GNG7: variants seen among roughly 807,000 people sequenced by gnomAD.
GNG7 encodes the protein guanine nucleotide-binding protein G(I)/G(S)/G(O) subunit gamma-7.
In GNG7, 1 loss-of-function variant was observed where a neutral mutation model predicts 4.0. That is an observed-to-expected ratio of 0.25 (90% CI 0.09 to 1.18). The LOEUF (loss-of-function observed/expected upper bound fraction) is 1.18. GNG7 is among the 50% of genes most tolerant of loss of function. The pLI, the probability that GNG7 is intolerant of heterozygous loss-of-function variation, is 0.50. For synonymous variants in GNG7, 34 were observed against 36.9 expected, an observed-to-expected ratio of 0.92 and a Z score of 0.29; for missense variants, 86 against 91.9, an observed-to-expected ratio of 0.94 and a Z score of 0.26.
chr19:2,661,538 G>A (rs200139825), intron 1 of GNG7, among the ~76,000 whole-genome samples: 1 of 151,602 alleles, frequency 6.6e-6, no homozygotes, highest in African/African-American at 2.4e-5. Context: ...GCTAATTACT[G>A]TAATTATGCC....
intron 1 of GNG7, among the ~76,000 whole-genome samples, chr19:2,678,658 G>A (rs1166453168): frequency 4.6e-5 from 7 of 152,030 alleles, no homozygotes; most frequent in East Asian, 1.9e-4. Context: ...GTCCAGTCTC[G>A]GAGGGTCCTG....
intron 2 of GNG7, among the ~76,000 whole-genome samples, chr19:2,563,197 C>G (rs992113092): frequency 6.6e-6 from 1 of 152,194 alleles, no homozygotes; most frequent in Non-Finnish European, 1.5e-5. Flanking sequence ...ATCCACCTGC[C>G]TCAGCCTCCC....
At chr19:2,649,607 C>G (rs1048978899) in intron 1 of GNG7, among the ~76,000 whole-genome samples, 8 of 151,998 alleles carry the variant, frequency 5.3e-5, no homozygotes, top group Non-Finnish European at 1.2e-4. Context: ...TCAGGCTGGT[C>G]TTGAGCCCCT....
At chr19:2,520,847 G>GCCTA in intron 3 of GNG7, 122 bp from the exon 4 acceptor site, 1 of 586,622 alleles carries the variant, frequency 1.7e-6, no homozygotes, top group Non-Finnish European at 3.1e-6. Context: ...CTCTGGGTGG[G>GCCTA]GACCAGGGGC....
At chr19:2,641,213 G>A (rs1165386926) in intron 2 of GNG7, among the ~76,000 whole-genome samples, 1 of 152,180 alleles carries the variant, frequency 6.6e-6, no homozygotes, top group African/African-American at 2.4e-5. Context: ...AGGCAGGTGA[G>A]TGACCAGGCA....
intron 2 of GNG7, among the ~76,000 whole-genome samples, chr19:2,625,684 A>G (rs1363337139): frequency 6.6e-6 from 1 of 152,244 alleles, no homozygotes; most frequent in African/African-American, 2.4e-5. Context: ...AAGCTGGGTC[A>G]GAGAGGAGAT....
chr19:2,567,195 GC>G (rs1979946399), intron 2 of GNG7, among the ~76,000 whole-genome samples: 1 of 151,622 alleles, frequency 6.6e-6, no homozygotes, highest in South Asian at 2.1e-4. Flanking sequence ...TCCATCATGG[GC>G]CCTTGCTGGC....
rs150310463 is a variant in GNG7 at position 2,557,930 on chromosome 19, C to T, written c.-77-2742G>A. Among the ~76,000 whole-genome samples the T allele has an allele frequency of 2.4e-4, 36 of 152,188 alleles. No individual in the cohort carries two copies. Among genetic ancestry groups the T allele is most frequent in the African/African-American group, 7.7e-4 (32 of 41,526 alleles). ...GATCTCGGCTCACTGCAACCTCTGC[C>T]TCCTGGGTACAAGCGACTCTCCTGC... On this transcript the variant is annotated intron_variant, in intron 2 of 4. Coordinates refer to ENST00000382159, the MANE Select transcript of GNG7 (RefSeq NM_052847.3). This position sits in a 1 kb window ranked among gnomAD's most constrained non-coding sequence, Gnocchi z 5.1.
intron 2 of GNG7, among the ~76,000 whole-genome samples, chr19:2,566,869 G>A (rs1244844186): frequency 6.6e-6 from 1 of 152,058 alleles, no homozygotes; most frequent in Non-Finnish European, 1.5e-5. Context: ...TTGGGAGGCC[G>A]AGGCAGGCGG....
rs531932495 is a variant in GNG7, at chr19:2,696,330, G to A, written c.-135+6316C>T. On this transcript the variant is annotated intron_variant, in intron 1 of 4. Transcript: ENST00000382159. ...AGAAAGAAAGAAAGAAAGAAAGAAA[G>A]AAAGAAAGAAAGAAAGAAAAGAAAG... Among the ~76,000 whole-genome samples the A allele has an allele frequency of 3.7e-5, 5 of 135,352 alleles. No individual in the cohort carries two copies. In the East Asian group the frequency reaches 1.0e-3, roughly 28 times the overall value. The allele number at this position is 135,352 out of a possible 152,430, so 88.8% of individuals were successfully genotyped here.
At chr19:2,549,361 G>A (rs1053081580) in intron 3 of GNG7, among the ~76,000 whole-genome samples, 4 of 150,800 alleles carry the variant, frequency 2.7e-5, no homozygotes, top group East Asian at 1.9e-4. Context: ...GGCGGATCTC[G>A]GCTCACTGCA....
intron 1 of GNG7, among the ~76,000 whole-genome samples, chr19:2,696,437 G>GA (rs1407141394): frequency 1.3e-5 from 2 of 151,662 alleles, no homozygotes; most frequent in Admixed American, 1.3e-4. Flanking sequence ...AAGAAAGAAA[G>GA]AAAGAGAAAG....
intron 1 of GNG7, among the ~76,000 whole-genome samples, chr19:2,686,738 T>G (rs1422733015): frequency 6.6e-6 from 1 of 151,388 alleles, no homozygotes; most frequent in Non-Finnish European, 1.5e-5. Flanking sequence ...GAGACTTTAC[T>G]TACTTTTTTT....
intron 2 of GNG7, among the ~76,000 whole-genome samples, chr19:2,569,002 CAT>C (rs1418925121): frequency 1.3e-5 from 2 of 151,916 alleles, no homozygotes; most frequent in African/African-American, 4.8e-5. Flanking sequence ...TATTTACACA[CAT>C]ATACACACAA....
chr19:2,549,579 G>A lies in GNG7; in HGVS notation c.-38+5570C>T, dbSNP rs140248406. 2.5e-3 allele frequency among the ~76,000 whole-genome samples: 383 copies of A among 152,240 alleles called. 1 individual carries two copies. Among genetic ancestry groups the A allele is most frequent in the African/African-American group, 8.0e-3 (333 of 41,556 alleles). ...GCTGGGATGACAGACGTGAGCCACCGCACTGGCCGGGGCTGTGTTTTCATC... is the reference window on the plus strand; with the variant it reads ...GCTGGGATGACAGACGTGAGCCACCACACTGGCCGGGGCTGTGTTTTCATC... On this transcript the variant is annotated intron_variant, in intron 3 of 4. Coordinates refer to ENST00000382159, the MANE Select transcript of GNG7 (RefSeq NM_052847.3).
At chr19:2,607,535 GA>G (rs1388050142) in intron 2 of GNG7, among the ~76,000 whole-genome samples, 7,209 of 51,366 alleles carry the variant, frequency 0.14, 390 homozygotes, top group African/African-American at 0.29. Flanking sequence ...ATCTCAAAAA[GA>G]AAAAAAAAAA....
intron 2 of GNG7, among the ~76,000 whole-genome samples, chr19:2,577,008 G>A (rs969296809): frequency 1.6e-4 from 24 of 152,348 alleles, no homozygotes; most frequent in African/African-American, 3.1e-4. Flanking sequence ...AGTCATTCAC[G>A]CTACGTGAGT....
rs527461914 is a variant in GNG7, at chr19:2,602,004, G to C, written c.-78+44220C>G. On this transcript the variant is annotated intron_variant, in intron 2 of 4. Coordinates refer to ENST00000382159, the MANE Select transcript of GNG7 (RefSeq NM_052847.3). Reference sequence around the variant, plus strand: ...CCTTCCAGAATCTGCAAGCAGCACTGTGGAGGCACCCTGGGGAAGAAAGTC... The same window carrying C: ...CCTTCCAGAATCTGCAAGCAGCACTCTGGAGGCACCCTGGGGAAGAAAGTC... Among the ~76,000 whole-genome samples, 38 of 152,018 alleles carry C rather than the reference G, an allele frequency of 2.5e-4. No individual in the cohort carries two copies. In the East Asian group the frequency reaches 6.6e-3, roughly 27 times the overall value.
In GNG7 at chr19:2,681,582, G is replaced by T. The variant is rs146135192; in HGVS notation, c.-135+21064C>A. Among the ~76,000 whole-genome samples, 152 of 152,170 alleles carry T rather than the reference G, an allele frequency of 1.0e-3. 1 individual carries two copies. The highest frequency in any genetic ancestry group is 3.6e-3 in the African/African-American group (150 of 41,516). On this transcript the variant is annotated intron_variant, in intron 1 of 4. Transcript: ENST00000382159. Reference sequence around the variant, plus strand: ...CATCACCGGGCCAGATCCTTCTTGCGCAGTGTTTGTGTGGACATACGCTTT... The same window carrying T: ...CATCACCGGGCCAGATCCTTCTTGCTCAGTGTTTGTGTGGACATACGCTTT...
Sources: gnomAD v4.1 joint callset for allele counts (sites outside exome capture counted in the v4.1 genomes callset) on GRCh38, gnomAD v4.1.1 for gene constraint, Gnocchi (gnomAD v3.1) non-coding constraint, MANE v1.5 for transcripts, NCBI Gene and HGNC (gene_info 2026-07-23, HGNC 2026-07-21) for gene names.